The following DPP6 variants were observed in gnomAD, a reference collection of about 807,000 sequenced individuals.
The protein encoded by DPP6 is dipeptidyl peptidase like 6.
DPP6 carries 69 observed loss-of-function variants against 122.6 expected under a neutral mutation model. That is an observed-to-expected ratio of 0.56 (90% CI 0.46 to 0.69). The LOEUF is 0.69. Ranked by LOEUF, DPP6 falls within the 30% of genes least tolerant of loss-of-function variation. DPP6 has a pLI of 0.00. For synonymous variants in DPP6, 418 were observed against 433.1 expected, an observed-to-expected ratio of 0.97 and a Z score of 0.43; for missense variants, 928 against 1,116.9, an observed-to-expected ratio of 0.83 and a Z score of 2.41.
At chr7:154,011,994 C>T (rs1292544501) in intron 1 of DPP6, among the ~76,000 whole-genome samples, 4 of 152,236 alleles carry the variant, frequency 2.6e-5, no homozygotes, top group Admixed American at 2.0e-4. Flanking sequence ...TGTCAAAACA[C>T]CTATCACTAA....
At chr7:154,319,200 T>G (rs372816111) in intron 1 of DPP6, among the ~76,000 whole-genome samples, 2 of 152,122 alleles carry the variant, frequency 1.3e-5, no homozygotes, top group East Asian at 3.9e-4. Flanking sequence ...ATCTATTTCA[T>G]GTACAAACAC....
Position 154,224,474 on chromosome 7 carries a change from T to C in DPP6, c.243+171411T>C, listed in dbSNP as rs543246388. 8.2e-4 allele frequency among the ~76,000 whole-genome samples: 122 copies of C among 149,416 alleles called. 5 individuals are homozygous for C. Among genetic ancestry groups the C allele is most frequent in the Non-Finnish European group, 1.4e-3 (92 of 67,938 alleles). On this transcript the variant is annotated intron_variant, in intron 1 of 25. Transcript: ENST00000377770. ...ATGAAACTCAACTTTGAGGAAACTG[T>C]GTACTCTAAATGTTTCTGCATTGGT...
intron 1 of DPP6, among the ~76,000 whole-genome samples, chr7:154,422,054 GCTACCAC>G (rs1817512564): frequency 1.3e-5 from 2 of 152,224 alleles, no homozygotes; most frequent in Admixed American, 1.3e-4. Context: ...GCAAGAAGTT[GCTACCAC>G]CCTTTGGCCC....
chr7:153,815,845 A>G, the DPP6 span, among the ~76,000 whole-genome samples: 2 of 152,182 alleles, frequency 1.3e-5, no homozygotes, highest in Non-Finnish European at 2.9e-5. Context: ...GTTACTTGTT[A>G]TTCTGCACAT....
At chr7:154,276,086 G>A (rs1056919336) in intron 1 of DPP6, among the ~76,000 whole-genome samples, 2 of 152,212 alleles carry the variant, frequency 1.3e-5, no homozygotes, top group Non-Finnish European at 2.9e-5. Context: ...GCTACGCTGT[G>A]CATGAGAATG....
intron 7 of DPP6, among the ~76,000 whole-genome samples, chr7:154,674,669 T>C (rs1838776942): frequency 6.6e-6 from 1 of 152,160 alleles, no homozygotes; most frequent in Admixed American, 6.5e-5. Context: ...AATGGGAAAT[T>C]TAATGAGTCC....
chr7:154,400,205 G>A (rs1053321939), intron 1 of DPP6, among the ~76,000 whole-genome samples: 9 of 152,148 alleles, frequency 5.9e-5, no homozygotes, highest in African/African-American at 1.2e-4. Context: ...CTCTCCTTGC[G>A]GGAGACGCCT....
intron 1 of DPP6, among the ~76,000 whole-genome samples, chr7:154,007,633 A>G (rs1264632864): frequency 6.6e-6 from 1 of 152,166 alleles, no homozygotes; most frequent in Non-Finnish European, 1.5e-5. Flanking sequence ...ATTAGTTAAC[A>G]TATTATTCCA....
chr7:154,325,169 C>T (rs1808337635), intron 1 of DPP6, among the ~76,000 whole-genome samples: 1 of 152,142 alleles, frequency 6.6e-6, no homozygotes, highest in Non-Finnish European at 1.5e-5. Flanking sequence ...GCCTGGCCTA[C>T]AGTCTCCATT....
At chr7:154,538,089 T>C (rs895171192) in intron 3 of DPP6, among the ~76,000 whole-genome samples, 31 of 152,106 alleles carry the variant, frequency 2.0e-4, no homozygotes, top group Middle Eastern at 6.8e-3. Flanking sequence ...AAATATGTGA[T>C]AAAACTGTTA....
chr7:154,636,725 G>A (rs1835748762), intron 5 of DPP6, among the ~76,000 whole-genome samples: 1 of 152,174 alleles, frequency 6.6e-6, no homozygotes, highest in East Asian at 1.9e-4. Flanking sequence ...TAATTCAGTG[G>A]TGCAGGCTAG....
intron 16 of DPP6, among the ~76,000 whole-genome samples, chr7:154,849,945 T>C (rs549578314): frequency 4.6e-5 from 7 of 152,356 alleles, no homozygotes; most frequent in Non-Finnish European, 5.9e-5. Flanking sequence ...ATTTTGTTAA[T>C]ATGGTGAATC....
intron 10 of DPP6, among the ~76,000 whole-genome samples, chr7:154,782,481 A>G (rs1797089037): frequency 6.6e-6 from 1 of 152,112 alleles, no homozygotes; most frequent in Non-Finnish European, 1.5e-5. Flanking sequence ...AACTGCTACC[A>G]AATTTCTCTT....
At chr7:154,814,012 C>G (rs1220896680) in intron 16 of DPP6, among the ~76,000 whole-genome samples, 2 of 150,420 alleles carry the variant, frequency 1.3e-5, no homozygotes, top group East Asian at 4.0e-4. Flanking sequence ...TCTTGAGTAG[C>G]TGGGATTACA....
rs145622209 is a variant in DPP6 at position 154,878,906 on chromosome 7, A to G, written c.2079-1982A>G. Among the ~76,000 whole-genome samples, 225 of 152,232 alleles carry G rather than the reference A, an allele frequency of 1.5e-3. 2 individuals are homozygous for G. Among genetic ancestry groups the G allele is most frequent in the Non-Finnish European group, 2.6e-3 (176 of 68,010 alleles). On this transcript the variant is annotated intron_variant, in intron 20 of 25. Coordinates refer to ENST00000377770, the MANE Select transcript of DPP6 (RefSeq NM_130797.4). ...CAGCAGAAATGCCTCATTTTTATTT[A>G]CTCATTTGTTCACGTAGCTAGTGGA...
chr7:154,640,433 G>C (rs2130936703), intron 6 of DPP6, among the ~76,000 whole-genome samples: 1 of 150,206 alleles, frequency 6.7e-6, no homozygotes, highest in South Asian at 2.1e-4. Context: ...GCCAAAGTCA[G>C]TGTCCCACCC....
exon 1 of DPP6, chr7:153,887,697 C>A: frequency 1.2e-6 from 2 of 1,613,898 alleles, no homozygotes; most frequent in Non-Finnish European, 1.7e-6. Context: ...AAGGAAAAGG[C>A]CATGATCAAG....
At chr7:154,736,833 C>T (rs1254284341) in intron 8 of DPP6, among the ~76,000 whole-genome samples, 4 of 152,232 alleles carry the variant, frequency 2.6e-5, no homozygotes, top group Non-Finnish European at 4.4e-5. Flanking sequence ...GAGAAACTCA[C>T]ATATTCTAGG....
chr7:154,805,916 G>C (rs3823525), intron 15 of DPP6, among the ~76,000 whole-genome samples: 52,804 of 152,170 alleles, frequency 0.35, 10,196 homozygotes, highest in East Asian at 0.5. Context: ...TTGTTCAGGG[G>C]AGACCTGAGG....
Sources: allele counts gnomAD v4.1 joint callset (sites outside exome capture counted in the v4.1 genomes callset), GRCh38; gene constraint gnomAD v4.1.1; transcripts MANE v1.5; gene names NCBI Gene and HGNC (gene_info 2026-07-23, HGNC 2026-07-21).